The following CSPG4 variants were observed in gnomAD, a reference collection of about 807,000 sequenced individuals.
CSPG4 encodes the protein chondroitin sulfate proteoglycan 4 (melanoma-associated).
A neutral mutation model predicts 139.3 loss-of-function variants in CSPG4; 74 were observed. That is an observed-to-expected ratio of 0.53 (90% CI 0.44 to 0.64). CSPG4 has a LOEUF of 0.64. Among genes scored for constraint, CSPG4 ranks in the 30% least tolerant of loss-of-function variants. CSPG4 has a pLI of 0.00. For synonymous variants in CSPG4, 1,234 were observed against 1,394.2 expected (o/e 0.89, Z 2.56); for missense variants, 2,565 against 3,148.3 (o/e 0.81, Z 4.43).
chr15:75,713,395 C>T (rs1040748283), upstream of CSPG4, among the ~76,000 whole-genome samples: 3 of 152,188 alleles, frequency 2.0e-5, no homozygotes, highest in African/African-American at 4.8e-5. Context: ...GTCTCCCTGT[C>T]TGTAAGGGAG....
Position 75,677,790 on chromosome 15 carries a change from C to T in CSPG4, c.5047G>A (p.Ala1683Thr). Residue 1683 changes from alanine to threonine, a missense_variant, in exon 9 of 10, where the codon GCC becomes ACC. By Grantham distance (58) the Ala-to-Thr change is moderately conservative. Transcript: ENST00000308508. ...GCAAGGGTGGCGGCCACGTCCCGGG[C>T]AGGCGGCGAGGACAGCTGGAGCTCT... ...TLELQLSSPP[A>T]RDVAATLAVA... 2 of 1,611,754 alleles carry T rather than the reference C, an allele frequency of 1.2e-6. No homozygotes were observed. The highest frequency in any genetic ancestry group is 1.7e-6 in the Non-Finnish European group (2 of 1,179,050).
intron 5 of CSPG4, among the ~76,000 whole-genome samples, 191 bp from the exon 6 acceptor site, chr15:75,683,232 G>T (rs1241995684): frequency 1.3e-5 from 2 of 152,094 alleles, no homozygotes; most frequent in African/African-American, 4.8e-5. Flanking sequence ...CCCAGGGAAG[G>T]CCCCAGGGAA....
At chr15:75,691,272 G>A (rs754303243) in intron 2 of CSPG4, among the ~76,000 whole-genome samples, 1 of 152,186 alleles carries the variant, frequency 6.6e-6, no homozygotes, top group Non-Finnish European at 1.5e-5. Context: ...TCCTCTTGCC[G>A]TCCTGCCATC....
Position 75,689,106 on chromosome 15 carries a change from C to T in CSPG4, c.1959G>A (p.Thr653=), listed in dbSNP as rs147831235. The change falls in exon 3 of 10, where the codon ACG becomes ACA. Residue 653 remains threonine, a synonymous_variant. Coordinates refer to ENST00000308508, the MANE Select transcript of CSPG4 (RefSeq NM_001897.5). ...SDGLQASPPA[T]LKVVAIRPAI... Reference sequence around the variant, plus strand: ...CCGGCCGGATGGCCACCACCTTCAGCGTGGCCGGGGGGCTGGCCTGCAGTC... The same window carrying T: ...CCGGCCGGATGGCCACCACCTTCAGTGTGGCCGGGGGGCTGGCCTGCAGTC... 28 of 1,603,486 alleles carry T rather than the reference C, an allele frequency of 1.7e-5. No homozygotes were observed. Among genetic ancestry groups the T allele is most frequent in the East Asian group, 6.7e-5 (3 of 44,770 alleles).
Position 75,675,616 on chromosome 15 carries a change from G to T in CSPG4, c.6903C>A (p.Asp2301Glu). ...TCCGGCAGAACTGCAGCAGCTCTGG[G>T]TCAGGCTGGCCTCCTGGAGGGGGCC... ...GQGPPPGGQP[D>E]PELLQFCRTP... Residue 2301 changes from aspartate (D) to glutamate (E), a missense_variant, in exon 10 of 10, where the codon GAC becomes GAA. Asp to Glu is a conservative substitution (Grantham distance 45). This residue lies in a region of CSPG4 where 2,316 missense variants were observed against 2,818.2 expected (regional missense o/e 0.82). Coordinates refer to ENST00000308508, the MANE Select transcript of CSPG4 (RefSeq NM_001897.5). The T allele has an allele frequency of 6.6e-7, 1 of 1,518,084 alleles. No individual in the cohort carries two copies. The highest frequency in any genetic ancestry group is 8.8e-7 in the Non-Finnish European group (1 of 1,133,772). The allele number at this position is 1,518,084 out of a possible 1,614,324, so 94.0% of individuals were successfully genotyped here.
chr15:75,696,596 A>G lies in CSPG4; in HGVS notation c.89-3363T>C, dbSNP rs1008635270. Among the ~76,000 whole-genome samples, 1 of 151,996 alleles carries G rather than the reference A, an allele frequency of 6.6e-6. No homozygotes were observed. The highest frequency in any genetic ancestry group is 1.5e-5 in the Non-Finnish European group (1 of 67,974). On this transcript the variant is annotated intron_variant, in intron 1 of 9. Transcript: ENST00000308508. The surrounding 1 kb of genome is among the most constrained non-coding windows in gnomAD (Gnocchi z 4.2). ...TCCTGCCCTTCGGTGCCCGCCTGCC[A>G]TTACTTGGCTGGGCCTGGCTCCATG...
In CSPG4 at chr15:75,688,867, T is replaced by G. The variant is rs1292622565; in HGVS notation, c.2198A>C (p.Gln733Pro). The stretch of plus-strand genomic sequence containing the variant: ...CACGCGGCCCTGCTCCACATCCCGC[T>G]GGTGGAACGCCTGTGTGGCCCACCA... Reference protein sequence around the residue: ...AEWWATQAFHQRDVEQGRVRY... With the variant: ...AEWWATQAFHPRDVEQGRVRY... The change falls in exon 3 of 10, where the codon CAG (glutamine) becomes CCG (proline). Residue 733 changes from glutamine (Q) to proline (P), a missense_variant. By Grantham distance (76) the Gln-to-Pro change is moderately conservative. This residue lies in a region of CSPG4 where 2,316 missense variants were observed against 2,818.2 expected (regional missense o/e 0.82). Coordinates refer to ENST00000308508, the MANE Select transcript of CSPG4 (RefSeq NM_001897.5). 1.2e-6 allele frequency: 2 copies of G among 1,612,302 alleles called. No homozygotes were observed. Among genetic ancestry groups the G allele is most frequent in the Non-Finnish European group, 1.7e-6 (2 of 1,179,986 alleles).
chr15:75,704,475 G>A (rs1337403175), intron 1 of CSPG4, among the ~76,000 whole-genome samples: 1 of 152,218 alleles, frequency 6.6e-6, no homozygotes, highest in Non-Finnish European at 1.5e-5. Context: ...GATGCCCAGA[G>A]ATGGAACCTT....
In CSPG4 at chr15:75,690,595, G is replaced by A. The variant is rs1394855419; in HGVS notation, c.470C>T (p.Pro157Leu). Residue 157 changes from proline to leucine, a missense_variant, in exon 3 of 10, where the codon CCC becomes CTC. By Grantham distance (98) the Pro-to-Leu change is moderately conservative. Transcript: ENST00000308508. Reference protein sequence around the residue: ...FVGGTGTLGLPYLRGTSRPLR... With the variant: ...FVGGTGTLGLLYLRGTSRPLR... ...GGGTCGGCTGGTTCCCCTCAGGTAG[G>A]GCAGGCCAAGGGTCCCAGTGCCCCC... 5.6e-6 allele frequency: 9 copies of A among 1,608,452 alleles called. No individual in the cohort carries two copies. The highest frequency in any genetic ancestry group is 1.7e-5 in the Admixed American group (1 of 59,716).
At position 75,699,137 on chromosome 15, in the gene CSPG4, C is replaced by A. The variant is rs118089868; in HGVS notation, c.89-5904G>T. The stretch of plus-strand genomic sequence containing the variant: ...AAATGCGGACAACAGTAGGTTAGTT[C>A]CAAATCCCATGGAGCTTACAACAGC... On this transcript the variant is annotated intron_variant, in intron 1 of 9. Coordinates refer to ENST00000308508, the MANE Select transcript of CSPG4 (RefSeq NM_001897.5). 4.6e-3 allele frequency among the ~76,000 whole-genome samples: 698 copies of A among 152,342 alleles called. 21 individuals carry two copies. The East Asian group carries it at 0.091, about 20-fold the overall frequency.
chr15:75,684,716 G>T lies in CSPG4; in HGVS notation c.4449+20C>A, dbSNP rs1894027600. On this transcript the variant is annotated intron_variant, in intron 5 of 9. Transcript: ENST00000308508. ...TCTTTCTCGAAGCAGACATGGGGGT[G>T]TTCCCAGGGATGCTCTCACCTGCAG... The T allele has an allele frequency of 6.2e-7, 1 of 1,601,634 alleles. No individual in the cohort carries two copies. The highest frequency in any genetic ancestry group is 1.1e-5 in the South Asian group (1 of 90,800).
upstream of CSPG4, chr15:75,712,883 G>C: frequency 1.4e-6 from 1 of 727,508 alleles, no homozygotes; most frequent in Non-Finnish European, 2.1e-6. Context: ...CTTAACTCCG[G>C]GGGCGGGGCA....
Position 75,688,974 on chromosome 15 carries a change from C to G in CSPG4, c.2091G>C (p.Val697=). Residue 697 remains valine, a synonymous_variant, in exon 3 of 10, where the codon GTG becomes GTC. Transcript: ENST00000308508. ...CCCCAGTGACGCGGAACAGCACGCT[C>G]ACATCCTGCCCCACGGCATTGGTCT... ...SVETNAVGQD[V]SVLFRVTGAL... is the part of the protein sequence containing the mutation. The G allele has an allele frequency of 6.2e-7, 1 of 1,612,512 alleles. No homozygotes were observed. The highest frequency in any genetic ancestry group is 8.5e-7 in the Non-Finnish European group (1 of 1,180,020).
chr15:75,702,634 C>T (rs1396645522), intron 1 of CSPG4, among the ~76,000 whole-genome samples: 2 of 152,236 alleles, frequency 1.3e-5, no homozygotes, highest in Non-Finnish European at 2.9e-5. Flanking sequence ...TCCAGGCCTC[C>T]TCTGCCCTCC....
In CSPG4 at chr15:75,702,022, G is replaced by A. The variant is rs187676820; in HGVS notation, c.89-8789C>T. On this transcript the variant is annotated intron_variant, in intron 1 of 9. Transcript: ENST00000308508. ...TCCATCCATAAGGCGGCTGGCCACC[G>A]TCCTCGGTCTGGCTTAATCAATCTC... 1.9e-4 allele frequency among the ~76,000 whole-genome samples: 29 copies of A among 152,308 alleles called. No homozygotes were observed. In the East Asian group the frequency reaches 4.8e-3, roughly 25 times the overall value.
chr15:75,683,085 C>A (rs1894001957), intron 5 of CSPG4, 44 bp from the exon 6 acceptor site: 3 of 1,569,184 alleles, frequency 1.9e-6, no homozygotes, highest in Non-Finnish European at 2.6e-6. Context: ...CCGCACTCAC[C>A]CACCCCTTCC....
Position 75,690,042 on chromosome 15 carries a change from G to A in CSPG4, c.1023C>T (p.Gly341=), listed in dbSNP as rs908742945. 6.2e-6 allele frequency: 10 copies of A among 1,611,618 alleles called. No individual in the cohort carries two copies. In the African/African-American group the frequency reaches 1.3e-4, roughly 22 times the overall value. The part of the protein sequence containing the change: ...ASRHLQEHRL[G]LTPEATNASL... The stretch of plus-strand genomic sequence containing the variant: ...AGGCATTGGTGGCCTCTGGTGTCAG[G>A]CCCAGGCGGTGTTCCTGGAGGTGAC... Residue 341 remains glycine (G), a synonymous_variant, in exon 3 of 10, where the codon GGC becomes GGT. Coordinates refer to ENST00000308508, the MANE Select transcript of CSPG4 (RefSeq NM_001897.5).
chr15:75,704,798 CCT>C (rs1894348228), intron 1 of CSPG4, among the ~76,000 whole-genome samples: 1 of 152,204 alleles, frequency 6.6e-6, no homozygotes, highest in Non-Finnish European at 1.5e-5. Context: ...AGGGCTGTCC[CCT>C]CCCTCAGTCC....
At position 75,690,345 on chromosome 15, in the gene CSPG4, G is replaced by A. The variant is rs767790594; in HGVS notation, c.720C>T (p.Ala240=). 13 of 1,611,998 alleles carry A rather than the reference G, an allele frequency of 8.1e-6. No homozygotes were observed. In the South Asian group the frequency reaches 1.2e-4, roughly 15 times the overall value. The change falls in exon 3 of 10, where the codon GCC becomes GCT. Residue 240 remains alanine, a synonymous_variant. Transcript: ENST00000308508. ...LTTQSRQAPL[A]FQAGGRRGDF... is the part of the protein sequence containing the mutation. ...CCCCACGCCGGCCCCCTGCCTGGAAGGCCAAGGGTGCCTGCCGGCTCTGTG... is the reference window on the plus strand; with the variant it reads ...CCCCACGCCGGCCCCCTGCCTGGAAAGCCAAGGGTGCCTGCCGGCTCTGTG...
Sources: gnomAD v4.1 joint callset for allele counts (sites outside exome capture counted in the v4.1 genomes callset) on GRCh38, gnomAD v4.1.1 for gene constraint, gnomAD v4.1.1 regional missense constraint, Gnocchi (gnomAD v3.1) non-coding constraint, MANE v1.5 for transcripts, NCBI Gene and HGNC (gene_info 2026-07-23, HGNC 2026-07-21) for gene names.